Variants in KCNQ1 observed in about 807,000 individuals in gnomAD.
The protein encoded by KCNQ1 is potassium voltage-gated channel subfamily Q member 1.
Under a neutral mutation model 72.4 loss-of-function variants are expected in KCNQ1, and 49 were observed. The observed-to-expected ratio is 0.68, with a 90% CI of 0.54 to 0.86. The LOEUF is 0.86. KCNQ1 is among the 40% of genes least tolerant of loss of function. The probability of loss-of-function intolerance (pLI) is 0.00; values close to 1 mark genes in which losing one functional copy is unlikely to be tolerated. For synonymous variants in KCNQ1, 450 were observed against 412.6 expected, an observed-to-expected ratio of 1.09 and a Z score of -1.10; for missense variants, 790 against 945.1, an observed-to-expected ratio of 0.84 and a Z score of 2.15.
intron 6 of KCNQ1, among the ~76,000 whole-genome samples, chr11:2,578,552 G>A (rs1300582700): frequency 6.6e-6 from 1 of 152,248 alleles, no homozygotes; most frequent in African/African-American, 2.4e-5. Context: ...CCTGGAGAGG[G>A]GAGCAGGCCT....
Position 2,745,189 on chromosome 11 carries a change from TG to T in KCNQ1, c.1515-23653del, listed in dbSNP as rs1343671298. 6.6e-6 allele frequency among the ~76,000 whole-genome samples: 1 copy of T among 152,230 alleles called. No individual in the cohort carries two copies. The highest frequency in any genetic ancestry group is 1.5e-5 in the Non-Finnish European group (1 of 68,038). ...TATTGCATTTCTTAAAAATTTCAAC[TG>T]GAAGTTTGCTTGGGATTGCCTCGAA... On this transcript the variant is annotated intron_variant, in intron 11 of 15. Coordinates refer to ENST00000155840, the MANE Select transcript of KCNQ1 (RefSeq NM_000218.3). This position sits in a 1 kb window ranked among gnomAD's most constrained non-coding sequence, Gnocchi z 6.2.
chr11:2,507,433 G>C lies in KCNQ1; in HGVS notation c.387-20495G>C, dbSNP rs1847123651. ...CGTGGTTTGCTCTAGAGGGTTTGAA[G>C]GAAGGGTGAGAAGTCAGGACCACTG... is the stretch of plus-strand genomic sequence containing the variant. On this transcript the variant is annotated intron_variant, in intron 1 of 15. Transcript: ENST00000155840. This position sits in a 1 kb window ranked among gnomAD's most constrained non-coding sequence, Gnocchi z 5.4. 6.6e-6 allele frequency among the ~76,000 whole-genome samples: 1 copy of C among 152,144 alleles called. No homozygotes were observed. The highest frequency in any genetic ancestry group is 2.1e-4 in the South Asian group (1 of 4,822).
At chr11:2,553,977 A>G (rs1312488012) in intron 2 of KCNQ1, among the ~76,000 whole-genome samples, 1 of 152,192 alleles carries the variant, frequency 6.6e-6, no homozygotes, top group East Asian at 1.9e-4. Context: ...TTGACCTTCC[A>G]AAGTGCTGGG....
chr11:2,731,584 G>A (rs1289248895), intron 11 of KCNQ1, among the ~76,000 whole-genome samples: 1 of 152,260 alleles, frequency 6.6e-6, no homozygotes, highest in East Asian at 1.9e-4. Context: ...CCCCTTCGCT[G>A]CTTGAGGCAA....
intron 11 of KCNQ1, among the ~76,000 whole-genome samples, chr11:2,729,109 C>T (rs959905987): frequency 3.3e-5 from 5 of 152,230 alleles, no homozygotes; most frequent in African/African-American, 1.2e-4. Flanking sequence ...GGCGCTCGGG[C>T]CAGGAACCCA....
At chr11:2,836,857 G>C (rs1848076207) in intron 15 of KCNQ1, among the ~76,000 whole-genome samples, 1 of 152,242 alleles carries the variant, frequency 6.6e-6, no homozygotes, top group Non-Finnish European at 1.5e-5. Context: ...GGGCCCTAGA[G>C]GGAAATGGGG....
chr11:2,837,260 A>G (rs1397894592), intron 15 of KCNQ1, among the ~76,000 whole-genome samples: 4 of 152,130 alleles, frequency 2.6e-5, no homozygotes, highest in South Asian at 2.1e-4. Context: ...GGCGTGGCCA[A>G]TGTTGAGGGA....
intron 11 of KCNQ1, among the ~76,000 whole-genome samples, chr11:2,717,603 C>T (rs186143075): frequency 1.1e-4 from 17 of 152,230 alleles, no homozygotes; most frequent in East Asian, 3.9e-4. Context: ...CACCCAGGAA[C>T]GTTCCTGTCC....
intron 11 of KCNQ1, chr11:2,684,732 A>G (rs1473115240): frequency 5.0e-6 from 2 of 398,476 alleles, no homozygotes; most frequent in Non-Finnish European, 8.8e-6. Context: ...AACCCAGGGT[A>G]GGTCTGCCTG....
At position 2,587,608 on chromosome 11, in the gene KCNQ1, C is replaced by T. The variant is rs1274894357; in HGVS notation, c.1167C>T (p.Ser389=). 7 of 1,613,948 alleles carry T rather than the reference C, an allele frequency of 4.3e-6. No homozygotes were observed. Among genetic ancestry groups the T allele is most frequent in the Non-Finnish European group, 5.1e-6 (6 of 1,180,030 alleles). The change falls in exon 9 of 16, where the codon TCC becomes TCT. Residue 389 remains serine, a synonymous_variant. Coordinates refer to ENST00000155840, the MANE Select transcript of KCNQ1 (RefSeq NM_000218.3). Reference sequence around the variant, plus strand: ...GCTATGCTGCCGAGAACCCCGACTCCTCCACCTGGAAGATCTACATCCGGA... The same window carrying T: ...GCTATGCTGCCGAGAACCCCGACTCTTCCACCTGGAAGATCTACATCCGGA... ...WRCYAAENPD[S]STWKIYIRKA... is the part of the protein sequence containing the mutation.
Position 2,592,692 on chromosome 11 carries a change from G to C in KCNQ1, c.1393+3838G>C, listed in dbSNP as rs182646509. Among the ~76,000 whole-genome samples the C allele has an allele frequency of 6.6e-6, 1 of 152,188 alleles. No homozygotes were observed. Among genetic ancestry groups the C allele is most frequent in the Non-Finnish European group, 1.5e-5 (1 of 68,026 alleles). ...AGGGACTGGGGACCTGCGAGGATGC[G>C]GTGGCCATTGTCTGTGCCCAGCCTG... On this transcript the variant is annotated intron_variant, in intron 10 of 15. Coordinates refer to ENST00000155840, the MANE Select transcript of KCNQ1 (RefSeq NM_000218.3). This position sits in a 1 kb window ranked among gnomAD's most constrained non-coding sequence, Gnocchi z 5.2.
chr11:2,660,075 T>A, intron 10 of KCNQ1: 1 of 398,464 alleles, frequency 2.5e-6, no homozygotes, highest in South Asian at 1.3e-4. Context: ...CTTTTTCTCT[T>A]ACGAGTTAAA....
intron 1 of KCNQ1, among the ~76,000 whole-genome samples, chr11:2,480,975 G>T (rs1049416520): frequency 3.3e-5 from 5 of 152,182 alleles, no homozygotes; most frequent in Admixed American, 6.5e-5. Context: ...AGCAGAGCAC[G>T]TTTGGGAGTT....
chr11:2,772,434 A>C lies in KCNQ1; in HGVS notation c.1590+3515A>C, dbSNP rs954519163. On this transcript the variant is annotated intron_variant, in intron 12 of 15. Transcript: ENST00000155840. This position sits in a 1 kb window ranked among gnomAD's most constrained non-coding sequence, Gnocchi z 6.6. ...GGCCTGCATTATCTCGGCTCATCTC[A>C]GGCTCCTGAAGTCAGGATGATCTTT... 3.3e-5 allele frequency among the ~76,000 whole-genome samples: 5 copies of C among 151,978 alleles called. No homozygotes were observed. Among genetic ancestry groups the C allele is most frequent in the Admixed American group, 6.6e-5 (1 of 15,264 alleles).
intron 10 of KCNQ1, chr11:2,650,509 A>G (rs1849740757): frequency 2.5e-6 from 1 of 398,662 alleles, no homozygotes; most frequent in East Asian, 3.6e-5. Flanking sequence ...ACAATTAATT[A>G]GACTATAATC....
rs1269435227 is a variant in KCNQ1 at position 2,647,673 on chromosome 11, C to T, written c.1394-14288C>T. 1 of 398,492 alleles carries T rather than the reference C, an allele frequency of 2.5e-6. No homozygotes were observed. Among genetic ancestry groups the T allele is most frequent in the African/African-American group, 2.1e-5 (1 of 48,722 alleles). 24.7% of individuals were successfully genotyped at this position (398,492 alleles called of 1,614,324 possible). On this transcript the variant is annotated intron_variant, in intron 10 of 15. Transcript: ENST00000155840. The surrounding 1 kb of genome is among the most constrained non-coding windows in gnomAD (Gnocchi z 4.0). ...ACTTTATTACTGATACAATCTCATT[C>T]CTTGTTATTGCTCTGTTCAGATTTT...
In KCNQ1 at chr11:2,577,379, C is replaced by T. The variant is rs1442196277; in HGVS notation, c.921+4393C>T. On this transcript the variant is annotated intron_variant, in intron 6 of 15. Transcript: ENST00000155840. ...CAGGGAGGCCTCCTTGAGGAAGTGA[C>T]AGCTGAGCTGAGACCTCAAGACACA... is the stretch of plus-strand genomic sequence containing the variant. 2.0e-5 allele frequency among the ~76,000 whole-genome samples: 3 copies of T among 152,206 alleles called. No individual in the cohort carries two copies. The East Asian group carries it at 5.8e-4, about 29-fold the overall frequency.
At chr11:2,511,783 G>A (rs557342351) in intron 1 of KCNQ1, among the ~76,000 whole-genome samples, 2 of 152,330 alleles carry the variant, frequency 1.3e-5, no homozygotes, top group South Asian at 4.1e-4. Flanking sequence ...AAGGTTCTCT[G>A]GGAGCTGGGA....
chr11:2,771,357 T>G (rs1846596112), intron 12 of KCNQ1: 1 of 152,376 alleles, frequency 6.6e-6, no homozygotes, highest in African/African-American at 2.4e-5. Flanking sequence ...ATAACTACCA[T>G]GGCTTCCAGT....
Sources: allele counts gnomAD v4.1 joint callset (sites outside exome capture counted in the v4.1 genomes callset), GRCh38; gene constraint gnomAD v4.1.1; non-coding constraint Gnocchi (gnomAD v3.1); transcripts MANE v1.5; gene names NCBI Gene and HGNC (gene_info 2026-07-23, HGNC 2026-07-21).